Variants in ATXN2 observed in about 807,000 individuals in gnomAD.
ATXN2 encodes ataxin 2.
In ATXN2, 37 loss-of-function variants were observed where a neutral mutation model predicts 138.6. The observed-to-expected ratio is 0.27, with a 90% CI of 0.21 to 0.35. ATXN2 has a LOEUF of 0.35. ATXN2 is among the 10% of genes least tolerant of loss of function. ATXN2 has a pLI of 1.00. For missense variants in ATXN2, 1,216 were observed against 1,480.3 expected (o/e 0.82, Z 2.93); for synonymous variants, 549 against 543.7 (o/e 1.01, Z -0.13).
intron 14 of ATXN2, among the ~76,000 whole-genome samples, chr12:111,500,919 A>C (rs1291531873): frequency 6.6e-6 from 1 of 152,192 alleles, no homozygotes; most frequent in Non-Finnish European, 1.5e-5. Flanking sequence ...TTAAATAAAG[A>C]ATGAATAAGA....
intron 5 of ATXN2, among the ~76,000 whole-genome samples, chr12:111,550,057 G>A (rs867919899): frequency 2.3e-4 from 29 of 124,310 alleles, no homozygotes; most frequent in African/African-American, 9.2e-4. Context: ...GCGAAACTCC[G>A]TCTCCAAAAA....
intron 5 of ATXN2, among the ~76,000 whole-genome samples, chr12:111,534,395 C>T (rs911912863): frequency 6.6e-6 from 1 of 151,816 alleles, no homozygotes; most frequent in Non-Finnish European, 1.5e-5. Context: ...GAGTGAGACC[C>T]CGTATATAAA....
intron 5 of ATXN2, among the ~76,000 whole-genome samples, chr12:111,544,883 A>G (rs11065945): frequency 0.1 from 15,295 of 152,182 alleles, 2,565 homozygotes; most frequent in African/African-American, 0.35. Context: ...TTTTGGGCCC[A>G]GTGCGGTGGC....
chr12:111,491,467 C>T (rs1046978364), intron 14 of ATXN2, among the ~76,000 whole-genome samples: 14 of 152,164 alleles, frequency 9.2e-5, no homozygotes, highest in Admixed American at 2.6e-4. Flanking sequence ...TTGTGCCAGC[C>T]TTCCCCCAAC....
At chr12:111,464,934 G>T (rs1299338856) in intron 20 of ATXN2, among the ~76,000 whole-genome samples, 1 of 152,182 alleles carries the variant, frequency 6.6e-6, no homozygotes, top group Non-Finnish European at 1.5e-5. Context: ...TTGTCATGCT[G>T]ACTTGCTTAA....
intron 20 of ATXN2, among the ~76,000 whole-genome samples, chr12:111,465,478 G>A (rs1875923665): frequency 1.3e-5 from 2 of 152,008 alleles, no homozygotes; most frequent in South Asian, 2.1e-4. Flanking sequence ...TGGATTAGAA[G>A]AGTAGATGTG....
intron 14 of ATXN2, among the ~76,000 whole-genome samples, chr12:111,499,790 T>A (rs1033846827): frequency 2.0e-5 from 3 of 151,944 alleles, no homozygotes; most frequent in Non-Finnish European, 4.4e-5. Context: ...AGCCCAGGAG[T>A]TCGAGACCAG....
intron 14 of ATXN2, among the ~76,000 whole-genome samples, chr12:111,504,598 T>G (rs574354692): frequency 6.6e-6 from 1 of 152,288 alleles, no homozygotes; most frequent in Middle Eastern, 3.4e-3. Flanking sequence ...TGGCCAAGAA[T>G]AGTCTTTTTA....
intron 15 of ATXN2, among the ~76,000 whole-genome samples, chr12:111,487,059 C>G (rs1592821593): frequency 6.6e-6 from 1 of 152,064 alleles, no homozygotes; most frequent in East Asian, 1.9e-4. Flanking sequence ...TACAACCGTT[C>G]CTCTCAAAGG....
chr12:111,500,938 T>C (rs1448359361), intron 14 of ATXN2, among the ~76,000 whole-genome samples: 1 of 152,140 alleles, frequency 6.6e-6, no homozygotes, highest in African/African-American at 2.4e-5. Context: ...GATCTAGTAT[T>C]TGACAACAAA....
Position 111,477,560 on chromosome 12 carries a change from C to T in ATXN2, c.2525-6818G>A, listed in dbSNP as rs191907458. Reference sequence around the variant, plus strand: ...GATTTCTTATTATGATACAAAAAAGCATGAACCTTAAGAGAAAAGCTTGAT... The same window carrying T: ...GATTTCTTATTATGATACAAAAAAGTATGAACCTTAAGAGAAAAGCTTGAT... On this transcript the variant is annotated intron_variant, in intron 18 of 24. Coordinates refer to ENST00000673436, the MANE Select transcript of ATXN2 (RefSeq NM_001372574.1). Among the ~76,000 whole-genome samples, 376 of 152,072 alleles carry T rather than the reference C, an allele frequency of 2.5e-3. 2 individuals are homozygous for T. Among genetic ancestry groups the T allele is most frequent in the African/African-American group, 8.8e-3 (365 of 41,458 alleles).
chr12:111,580,711 G>C (rs1366748397), intron 1 of ATXN2, among the ~76,000 whole-genome samples: 1 of 141,410 alleles, frequency 7.1e-6, no homozygotes, highest in Non-Finnish European at 1.5e-5. Context: ...GAGGGAGAGA[G>C]GAAGGGTTGG....
chr12:111,531,723 G>C (rs2135755610), intron 5 of ATXN2, among the ~76,000 whole-genome samples: 1 of 152,334 alleles, frequency 6.6e-6, no homozygotes, highest in Non-Finnish European at 1.5e-5. Context: ...AAGGGCACAG[G>C]TGGAGCCACG....
Position 111,486,833 on chromosome 12 carries a change from A to T in ATXN2, c.2241-9T>A, listed in dbSNP as rs1877674673. 1.2e-6 allele frequency: 2 copies of T among 1,609,510 alleles called. No homozygotes were observed. The highest frequency in any genetic ancestry group is 1.1e-5 in the South Asian group (1 of 90,854). On this transcript the variant is annotated splice_polypyrimidine_tract_variant and intron_variant, in intron 15 of 24. Coordinates refer to ENST00000673436, the MANE Select transcript of ATXN2 (RefSeq NM_001372574.1). ...TTGATTTCCTAACTTGCCTAAAAAA[A>T]ATATAAAGGCCAGTGAAATCTACAT...
chr12:111,470,244 T>C lies in ATXN2; in HGVS notation c.2710-4A>G. On this transcript the variant is annotated splice_polypyrimidine_tract_variant and splice_region_variant and intron_variant, in intron 19 of 24. Coordinates refer to ENST00000673436, the MANE Select transcript of ATXN2 (RefSeq NM_001372574.1). ...CAGGACTATAGACATGAGGATGCTG[T>C]GTTCAAACAAAAAATAAAGAAAGCA... 1.2e-6 allele frequency: 2 copies of C among 1,611,286 alleles called. No individual in the cohort carries two copies. The highest frequency in any genetic ancestry group is 1.7e-6 in the Non-Finnish European group (2 of 1,178,922).
intron 14 of ATXN2, among the ~76,000 whole-genome samples, chr12:111,506,836 G>T (rs928067002): frequency 6.6e-5 from 10 of 152,218 alleles, no homozygotes; most frequent in African/African-American, 1.4e-4. Flanking sequence ...ACTGGTTTTC[G>T]TATTTTTTTG....
At chr12:111,543,294 A>G (rs1278648654) in intron 5 of ATXN2, among the ~76,000 whole-genome samples, 2 of 152,218 alleles carry the variant, frequency 1.3e-5, no homozygotes, top group Admixed American at 6.5e-5. Context: ...TTACTGATAC[A>G]CTATCAAGAC....
chr12:111,565,282 T>C (rs1882932771), intron 1 of ATXN2, among the ~76,000 whole-genome samples: 1 of 152,206 alleles, frequency 6.6e-6, no homozygotes, highest in East Asian at 1.9e-4. Flanking sequence ...GCTGACCGTC[T>C]GTGGAAACCC....
intron 18 of ATXN2, among the ~76,000 whole-genome samples, chr12:111,482,168 A>G (rs1187274812): frequency 6.7e-6 from 1 of 149,296 alleles, no homozygotes; most frequent in Non-Finnish European, 1.5e-5. Flanking sequence ...CCCGGCCAAC[A>G]TGGCAAAGCC....
Sources: allele counts gnomAD v4.1 joint callset (sites outside exome capture counted in the v4.1 genomes callset), GRCh38; gene constraint gnomAD v4.1.1; transcripts MANE v1.5; gene names NCBI Gene and HGNC (gene_info 2026-07-23, HGNC 2026-07-21).